COMMD4: variants seen among roughly 807,000 people sequenced by gnomAD.
COMMD4 encodes the protein COMM domain containing 4.
In COMMD4, 18 loss-of-function variants were observed where a neutral mutation model predicts 27.5. The observed-to-expected ratio is 0.65, with a 90% CI of 0.45 to 0.97. The LOEUF (loss-of-function observed/expected upper bound fraction) is 0.97, where lower values mean the gene tolerates loss of function less well. Ranked by LOEUF, COMMD4 falls within the 50% of genes least tolerant of loss-of-function variation. The pLI, the probability that COMMD4 is intolerant of heterozygous loss-of-function variation, is 0.00. For synonymous variants in COMMD4, 108 were observed against 108.4 expected, an observed-to-expected ratio of 1.00 and a Z score of 0.02; for missense variants, 243 against 250.0, an observed-to-expected ratio of 0.97 and a Z score of 0.19.
intron 6 of COMMD4, 27 bp from the exon 7 acceptor site, chr15:75,339,675 C>G (rs1374715799): frequency 2.6e-6 from 4 of 1,554,716 alleles, no homozygotes; most frequent in Non-Finnish European, 3.5e-6. Flanking sequence ...TGCTTTGATC[C>G]TGAGAGCCAC....
intron 1 of COMMD4, chr15:75,337,044 C>T (rs1373262990): frequency 6.6e-6 from 1 of 152,216 alleles, no homozygotes; most frequent in African/African-American, 2.4e-5. Context: ...TGAACGTATC[C>T]ACTGGCCTCC....
chr15:75,340,045 C>A lies in COMMD4; in HGVS notation c.*40C>A. On this transcript the variant is annotated 3_prime_UTR_variant, in exon 8 of 8. Transcript: ENST00000267935. ...CAGGCCTGTGTGGAGCCGCCCTGCC[C>A]GTATGGAGTCACGCCCTCTGAACTG... The A allele has an allele frequency of 6.2e-7, 1 of 1,610,364 alleles. No individual in the cohort carries two copies. The highest frequency in any genetic ancestry group is 1.1e-5 in the South Asian group (1 of 90,704).
Position 75,339,061 on chromosome 15 carries a change from C to T in COMMD4, c.258C>T (p.Gly86=), listed in dbSNP as rs760574579. Reference sequence around the variant, plus strand: ...GTGCGGCCAAGCACAGTGTCGATGGCGAATCCTTGTCCAGTGAACTGCAGC... The same window carrying T: ...GTGCGGCCAAGCACAGTGTCGATGGTGAATCCTTGTCCAGTGAACTGCAGC... ...LSSAAKHSVD[G]ESLSSELQQL... Residue 86 remains glycine, a synonymous_variant, in exon 5 of 8, where the codon GGC becomes GGT. Coordinates refer to ENST00000267935, the MANE Select transcript of COMMD4 (RefSeq NM_017828.5). The T allele has an allele frequency of 1.3e-5, 21 of 1,613,672 alleles. No homozygotes were observed. In the African/African-American group the frequency reaches 1.5e-4, roughly 11 times the overall value.
rs749104167 is a variant in COMMD4 at position 75,339,728 on chromosome 15, C to G, written c.409C>G (p.Arg137Gly). ...RMNRLAGVGW[R>G]VDYTLSSSLL... ...GAATAGGTTGGCAGGTGTGGGCTGGCGGGTGGACTACACCCTGAGCTCCAG... is the reference window on the plus strand; with the variant it reads ...GAATAGGTTGGCAGGTGTGGGCTGGGGGGTGGACTACACCCTGAGCTCCAG... Residue 137 changes from arginine to glycine, a missense_variant, in exon 7 of 8, where the codon CGG (arginine) becomes GGG (glycine). Arg to Gly is a moderately radical substitution (Grantham distance 125). Transcript: ENST00000267935. 5.6e-6 allele frequency: 9 copies of G among 1,605,618 alleles called. No individual in the cohort carries two copies. The highest frequency in any genetic ancestry group is 2.6e-6 in the Non-Finnish European group (3 of 1,175,012).
downstream of COMMD4, chr15:75,341,726 TTA>T (rs1280392000): frequency 6.6e-6 from 1 of 151,910 alleles, no homozygotes; most frequent in Non-Finnish European, 1.5e-5. Context: ...ACATTCATGA[TTA>T]GGGTCTCAGA....
At chr15:75,341,749 G>C (rs1251462321), downstream of COMMD4, 1 of 152,122 alleles carries the variant, frequency 6.6e-6, no homozygotes, top group African/African-American at 2.4e-5. Context: ...AGGTAAGGAG[G>C]AAGAGAGTGG....
In COMMD4 at chr15:75,339,784, G is replaced by A. The variant is rs1430691248; in HGVS notation, c.465G>A (p.Val155=). ...SLLQSVEEPM[V]HLRLEVAAAP... ...TGCAATCCGTGGAAGAGCCCATGGTGCACCTGCGGCTGGAGGTGGCAGCTG... is the reference window on the plus strand; with the variant it reads ...TGCAATCCGTGGAAGAGCCCATGGTACACCTGCGGCTGGAGGTGGCAGCTG... Residue 155 remains valine, a synonymous_variant, in exon 7 of 8, where the codon GTG becomes GTA. Coordinates refer to ENST00000267935, the MANE Select transcript of COMMD4 (RefSeq NM_017828.5). The A allele has an allele frequency of 5.6e-6, 9 of 1,614,108 alleles. No homozygotes were observed. The highest frequency in any genetic ancestry group is 7.6e-6 in the Non-Finnish European group (9 of 1,180,002).
At chr15:75,338,319 T>G (rs2071294775) in intron 2 of COMMD4, 36 bp from the exon 3 acceptor site, 1 of 1,551,668 alleles carries the variant, frequency 6.4e-7, no homozygotes. Context: ...GGGGTGAGGT[T>G]TGCCAGCCTG....
At chr15:75,339,664 C>T (rs1414905571) in intron 6 of COMMD4, 38 bp from the exon 7 acceptor site, 1 of 1,547,718 alleles carries the variant, frequency 6.5e-7, no homozygotes, top group Non-Finnish European at 8.7e-7. Flanking sequence ...CTTGGCTTGC[C>T]TGCTTTGATC....
At position 75,339,791 on chromosome 15, in the gene COMMD4, C is replaced by T. The variant is rs767151762; in HGVS notation, c.472C>T (p.Arg158Trp). Residue 158 changes from arginine (R) to tryptophan (W), a missense_variant, in exon 7 of 8, where the codon CGG becomes TGG. Arg to Trp is a moderately radical substitution (Grantham distance 101). Coordinates refer to ENST00000267935, the MANE Select transcript of COMMD4 (RefSeq NM_017828.5). ...CGTGGAAGAGCCCATGGTGCACCTG[C>T]GGCTGGAGGTGGCAGCTGCCCCAGG... ...QSVEEPMVHL[R>W]LEVAAAPGTP... The T allele has an allele frequency of 3.3e-5, 53 of 1,613,942 alleles. No individual in the cohort carries two copies. The highest frequency in any genetic ancestry group is 1.1e-4 in the South Asian group (10 of 91,068).
At chr15:75,338,563 T>A in intron 3 of COMMD4, 83 bp from the exon 4 acceptor site, 1 of 1,586,534 alleles carries the variant, frequency 6.3e-7, no homozygotes, top group Non-Finnish European at 8.6e-7. Context: ...AGCCTGTCTG[T>A]TCCTTATCGC....
intron 1 of COMMD4, chr15:75,337,552 A>G (rs1278748530): frequency 6.4e-6 from 1 of 157,306 alleles, no homozygotes; most frequent in Non-Finnish European, 1.4e-5. Context: ...AGGTCGCGCC[A>G]TTGCACTCCA....
At chr15:75,338,882 G>A (rs34786833) in intron 4 of COMMD4, 103 bp from the exon 5 acceptor site, 74,735 of 1,587,704 alleles carry the variant, frequency 0.047, 2,121 homozygotes, top group Middle Eastern at 0.12. Flanking sequence ...AGCAGTGCCT[G>A]TGGCTCCAGG....
rs1401344554 is a variant in COMMD4, at chr15:75,338,150, C to G, written c.75+17C>G. 5 of 1,585,548 alleles carry G rather than the reference C, an allele frequency of 3.2e-6. No individual in the cohort carries two copies. The highest frequency in any genetic ancestry group is 4.3e-6 in the Non-Finnish European group (5 of 1,163,778). On this transcript the variant is annotated intron_variant, in intron 2 of 7. Coordinates refer to ENST00000267935, the MANE Select transcript of COMMD4 (RefSeq NM_017828.5). ...GCCAAGATGGTTGAGTGCACAGGGT[C>G]TAGTCTGGGTGGAGGAGGGGTGTTG... is the stretch of plus-strand genomic sequence containing the variant.
intron 3 of COMMD4, 72 bp from the exon 4 acceptor site, chr15:75,338,574 A>C: frequency 6.3e-7 from 1 of 1,597,322 alleles, no homozygotes; most frequent in Non-Finnish European, 8.6e-7. Flanking sequence ...TCCTTATCGC[A>C]GGATCCAGGC....
intron 2 of COMMD4, 22 bp downstream of exon 2, chr15:75,338,155 C>G (rs1373241040): frequency 6.3e-7 from 1 of 1,582,866 alleles, no homozygotes; most frequent in East Asian, 2.3e-5. Flanking sequence ...AGGGTCTAGT[C>G]TGGGTGGAGG....
At chr15:75,338,746 G>A in intron 4 of COMMD4, 61 bp downstream of exon 4, 1 of 1,565,796 alleles carries the variant, frequency 6.4e-7, no homozygotes, top group Non-Finnish European at 8.7e-7. Flanking sequence ...CTGGTGCCTG[G>A]TACAGAGGGG....
At chr15:75,339,466 C>G (rs1025636789) in intron 6 of COMMD4, 122 bp downstream of exon 6, 32 of 1,453,196 alleles carry the variant, frequency 2.2e-5, no homozygotes, top group Non-Finnish European at 2.8e-5. Context: ...AGCCGTAGAG[C>G]TGGGACCTGG....
chr15:75,338,681 G>T lies in COMMD4; in HGVS notation c.177G>T (p.Lys59Asn). The T allele has an allele frequency of 6.2e-7, 1 of 1,613,786 alleles. No homozygotes were observed. The highest frequency in any genetic ancestry group is 8.5e-7 in the Non-Finnish European group (1 of 1,179,864). ...TCCTGAAGCTCACGGCTGACGCCAAGTTTGGTGAGTATCCCGCTGAGTCTA... is the reference window on the plus strand; with the variant it reads ...TCCTGAAGCTCACGGCTGACGCCAATTTTGGTGAGTATCCCGCTGAGTCTA... ...EKILKLTADA[K>N]FESGDVKATV... The change falls in exon 4 of 8, where the codon AAG (lysine) becomes AAT (asparagine). Residue 59 changes from lysine to asparagine, a missense_variant. Lys to Asn is a moderately conservative substitution (Grantham distance 94). Coordinates refer to ENST00000267935, the MANE Select transcript of COMMD4 (RefSeq NM_017828.5).
Sources: gnomAD v4.1 joint callset for allele counts on GRCh38, gnomAD v4.1.1 for gene constraint, MANE v1.5 for transcripts, NCBI Gene and HGNC (gene_info 2026-07-23, HGNC 2026-07-21) for gene names.